CDH4: variants seen among roughly 807,000 people sequenced by gnomAD.
CDH4 encodes the protein cadherin 4, also known as cadherin-4.
Under a neutral mutation model 86.0 loss-of-function variants are expected in CDH4, and 33 were observed. The ratio of observed to expected loss-of-function variants is 0.38; its 90% CI spans 0.29 to 0.51. The LOEUF (loss-of-function observed/expected upper bound fraction) is 0.51. Ranked by LOEUF, CDH4 falls within the 20% of genes least tolerant of loss-of-function variation. CDH4 has a pLI of 0.86. For missense variants in CDH4, 1,114 were observed against 1,307.4 expected (o/e 0.85, Z 2.28); for synonymous variants, 555 against 549.4 (o/e 1.01, Z -0.14).
At chr20:61,291,390 G>A (rs1268874287) in intron 2 of CDH4, among the ~76,000 whole-genome samples, 3 of 152,238 alleles carry the variant, frequency 2.0e-5, no homozygotes, top group South Asian at 2.1e-4. Flanking sequence ...AGACAGTACC[G>A]TGGTGTGTGG....
intron 2 of CDH4, among the ~76,000 whole-genome samples, chr20:61,463,453 G>T (rs1479094347): frequency 6.6e-6 from 1 of 152,224 alleles, no homozygotes; most frequent in Non-Finnish European, 1.5e-5. Flanking sequence ...ACACAAAGAT[G>T]CCTAGGACTC....
At chr20:61,742,144 A>C (rs1427395623) in intron 2 of CDH4, among the ~76,000 whole-genome samples, 3 of 151,050 alleles carry the variant, frequency 2.0e-5, no homozygotes, top group African/African-American at 7.3e-5. Flanking sequence ...AAAAAAATGT[A>C]ATGATTCCGT....
intron 2 of CDH4, among the ~76,000 whole-genome samples, chr20:61,696,551 G>A (rs1399327319): frequency 1.3e-5 from 2 of 152,196 alleles, no homozygotes; most frequent in African/African-American, 2.4e-5. Context: ...TCCTTAAGAC[G>A]GGACCGGGGC....
intron 2 of CDH4, among the ~76,000 whole-genome samples, chr20:61,413,144 C>A (rs1280680614): frequency 1.3e-5 from 2 of 152,100 alleles, no homozygotes; most frequent in African/African-American, 4.8e-5. Flanking sequence ...CTTCCCATCC[C>A]AGCCTCAGAT....
At chr20:61,643,951 A>G (rs149444191) in intron 2 of CDH4, among the ~76,000 whole-genome samples, 2 of 152,372 alleles carry the variant, frequency 1.3e-5, no homozygotes, top group South Asian at 4.1e-4. Context: ...GAATTTTGCT[A>G]GAAGGGAGTG....
At chr20:61,885,871 G>A (rs1239074741) in intron 7 of CDH4, among the ~76,000 whole-genome samples, 3 of 152,242 alleles carry the variant, frequency 2.0e-5, no homozygotes, top group Admixed American at 2.0e-4. Context: ...CCAAGGGGAT[G>A]GAGGTTCCAG....
Position 61,325,100 on chromosome 20 carries a change from T to G in CDH4, c.169+70163T>G, listed in dbSNP as rs1477914129. Among the ~76,000 whole-genome samples the G allele has an allele frequency of 4.6e-5, 7 of 152,240 alleles. No homozygotes were observed. The East Asian group carries it at 1.4e-3, about 29-fold the overall frequency. On this transcript the variant is annotated intron_variant, in intron 2 of 15. Coordinates refer to ENST00000614565, the MANE Select transcript of CDH4 (RefSeq NM_001794.5). The stretch of plus-strand genomic sequence containing the variant: ...CCCTTTCCCCATGGGGCTATGTGGA[T>G]GTGAGACAAGATGGAACACATCATG...
intron 4 of CDH4, among the ~76,000 whole-genome samples, chr20:61,813,197 G>T (rs1980527321): frequency 6.6e-6 from 1 of 152,218 alleles, no homozygotes. Context: ...TTGTGGTGGG[G>T]TGACCAGTTC....
rs557936358 is a variant in CDH4 at position 61,255,086 on chromosome 20, T to C, written c.169+149T>C. 5.2e-5 allele frequency: 32 copies of C among 618,712 alleles called. No individual in the cohort carries two copies. The East Asian group carries it at 8.9e-4, about 17-fold the overall frequency. The allele number at this position is 618,712 out of a possible 1,614,324, so 38.3% of individuals were successfully genotyped here. A position where few individuals can be genotyped will look rare whatever the true frequency, so the allele number is the denominator to read the frequency against. On this transcript the variant is annotated intron_variant, in intron 2 of 15. Transcript: ENST00000614565. ...TCCACGAGGTGCAAATTGGTTGACC[T>C]GAAAGGCGTTTTGCATAACAGGTGA...
intron 2 of CDH4, among the ~76,000 whole-genome samples, chr20:61,457,110 G>C (rs1324992074): frequency 1.3e-5 from 2 of 152,058 alleles, no homozygotes; most frequent in Non-Finnish European, 2.9e-5. Flanking sequence ...AAATGATAAG[G>C]ACAAAGGACC....
intron 2 of CDH4, among the ~76,000 whole-genome samples, chr20:61,499,019 A>ATT (rs1409355900): frequency 6.6e-6 from 1 of 152,098 alleles, no homozygotes. Flanking sequence ...ATGGGGGCGT[A>ATT]TTGTGACTTG....
chr20:61,269,241 T>C lies in CDH4; in HGVS notation c.169+14304T>C, dbSNP rs1043853584. Among the ~76,000 whole-genome samples, 6 of 152,128 alleles carry C rather than the reference T, an allele frequency of 3.9e-5. No individual in the cohort carries two copies. The highest frequency in any genetic ancestry group is 1.4e-4 in the African/African-American group (6 of 41,430). ...GAGTTGGGGTGCTGACATAGGACAGTTTGGCACTGCCACTACCTTAGTGGC... is the reference window on the plus strand; with the variant it reads ...GAGTTGGGGTGCTGACATAGGACAGCTTGGCACTGCCACTACCTTAGTGGC... On this transcript the variant is annotated intron_variant, in intron 2 of 15. Transcript: ENST00000614565. The surrounding 1 kb of genome is among the most constrained non-coding windows in gnomAD (Gnocchi z 5.3).
At chr20:61,695,028 A>G (rs2087701899) in intron 2 of CDH4, among the ~76,000 whole-genome samples, 1 of 152,194 alleles carries the variant, frequency 6.6e-6, no homozygotes, top group Non-Finnish European at 1.5e-5. Context: ...ATTTCTTTGG[A>G]TAGGTGCAGA....
intron 2 of CDH4, among the ~76,000 whole-genome samples, chr20:61,277,327 T>A (rs1232463120): frequency 6.6e-6 from 1 of 152,252 alleles, no homozygotes; most frequent in East Asian, 1.9e-4. Flanking sequence ...GTTTTTGTAC[T>A]CTCTTCTGCG....
intron 4 of CDH4, among the ~76,000 whole-genome samples, chr20:61,812,190 G>A (rs190428960): frequency 1.3e-5 from 2 of 152,230 alleles, no homozygotes; most frequent in Non-Finnish European, 2.9e-5. Flanking sequence ...TGTTATTGGG[G>A]GCGGGGTATC....
intron 2 of CDH4, among the ~76,000 whole-genome samples, chr20:61,653,762 G>A (rs2087154686): frequency 8.7e-6 from 1 of 114,492 alleles, no homozygotes; most frequent in Non-Finnish European, 2.1e-5. Context: ...GCGGGGCAGA[G>A]GCGCTCCCCA....
intron 6 of CDH4, among the ~76,000 whole-genome samples, chr20:61,853,453 C>A (rs1982835117): frequency 6.6e-6 from 1 of 152,198 alleles, no homozygotes; most frequent in Non-Finnish European, 1.5e-5. Context: ...GTGACTGAGG[C>A]TGTCTGCTCC....
chr20:61,273,320 ATG>A (rs2084196626), intron 2 of CDH4, among the ~76,000 whole-genome samples: 2 of 118,358 alleles, frequency 1.7e-5, no homozygotes, highest in Non-Finnish European at 3.3e-5. Flanking sequence ...GGGGAATACC[ATG>A]TGCAGTTTGG....
intron 2 of CDH4, among the ~76,000 whole-genome samples, chr20:61,470,140 T>C (rs962005952): frequency 1.3e-5 from 2 of 152,190 alleles, no homozygotes; most frequent in African/African-American, 4.8e-5. Context: ...AATCCATAGA[T>C]TGCTTTGGAA....
Sources: allele counts gnomAD v4.1 joint callset (sites outside exome capture counted in the v4.1 genomes callset), GRCh38; gene constraint gnomAD v4.1.1; non-coding constraint Gnocchi (gnomAD v3.1); transcripts MANE v1.5; gene names NCBI Gene and HGNC (gene_info 2026-07-23, HGNC 2026-07-21).